The following KHDRBS2 variants were observed in gnomAD, a reference collection of about 807,000 sequenced individuals.
The protein encoded by KHDRBS2 is KH RNA binding domain containing, signal transduction associated 2.
In KHDRBS2, 26 loss-of-function variants were observed where a neutral mutation model predicts 44.3. The observed-to-expected ratio is 0.59, with a 90% CI of 0.43 to 0.81. The LOEUF (loss-of-function observed/expected upper bound fraction) is 0.81. KHDRBS2 is among the 40% of genes least tolerant of loss of function. KHDRBS2 has a pLI of 0.00. For missense variants in KHDRBS2, 476 were observed against 433.1 expected, an observed-to-expected ratio of 1.10 and a Z score of -0.88; for synonymous variants, 194 against 151.1, an observed-to-expected ratio of 1.28 and a Z score of -2.08.
the KHDRBS2 span, among the ~76,000 whole-genome samples, chr6:61,599,474 A>C: frequency 6.6e-6 from 1 of 152,014 alleles, no homozygotes. Context: ...CCCCCAAAAA[A>C]TTTTCTCAAA....
At chr6:62,186,705 T>C (rs553563603) in intron 1 of KHDRBS2, among the ~76,000 whole-genome samples, 1 of 152,142 alleles carries the variant, frequency 6.6e-6, no homozygotes, top group Admixed American at 6.6e-5. Flanking sequence ...TTGGATAGTA[T>C]TGTCATCTAA....
intron 2 of KHDRBS2, among the ~76,000 whole-genome samples, chr6:62,169,115 G>GTGTGTATATATACATATACACACATATA (rs1271961095): frequency 2.3e-5 from 3 of 132,640 alleles, no homozygotes; most frequent in Non-Finnish European, 3.2e-5. Flanking sequence ...ACACATATAT[G>GTGTGTATATATACATATACACACATATA]TGTGTATATA....
intron 6 of KHDRBS2, among the ~76,000 whole-genome samples, chr6:61,871,770 A>T (rs1252374162): frequency 6.6e-6 from 1 of 152,236 alleles, no homozygotes; most frequent in Non-Finnish European, 1.5e-5. Flanking sequence ...TCATAAGCGA[A>T]GGAGAAATAA....
the KHDRBS2 span, among the ~76,000 whole-genome samples, chr6:61,552,180 C>T: frequency 6.6e-6 from 1 of 151,978 alleles, no homozygotes. Flanking sequence ...TGTGTCATCC[C>T]TGATTTCTTT....
chr6:61,915,877 T>C (rs1806901048), intron 4 of KHDRBS2, among the ~76,000 whole-genome samples: 1 of 151,974 alleles, frequency 6.6e-6, no homozygotes, highest in South Asian at 2.1e-4. Context: ...TACTCAGGCA[T>C]TTAGCAAACC....
At chr6:61,906,542 C>T (rs73487384) in intron 4 of KHDRBS2, among the ~76,000 whole-genome samples, 1,572 of 152,102 alleles carry the variant, frequency 0.01, 28 homozygotes, top group African/African-American at 0.036. Context: ...CAACTTCCCC[C>T]CCTCCTTCCC....
At chr6:62,148,018 A>T (rs1199329214) in intron 2 of KHDRBS2, among the ~76,000 whole-genome samples, 1 of 152,088 alleles carries the variant, frequency 6.6e-6, no homozygotes, top group Non-Finnish European at 1.5e-5. Context: ...AGCTGAAAAA[A>T]TAAATATTAT....
chr6:61,936,467 C>T (rs1391174816), intron 4 of KHDRBS2, among the ~76,000 whole-genome samples: 2 of 151,968 alleles, frequency 1.3e-5, no homozygotes, highest in African/African-American at 4.8e-5. Context: ...TCTCCCTCTA[C>T]ATTGCTTTAA....
At chr6:61,815,683 A>C (rs530641300) in intron 6 of KHDRBS2, among the ~76,000 whole-genome samples, 1 of 152,172 alleles carries the variant, frequency 6.6e-6, no homozygotes, top group East Asian at 1.9e-4. Flanking sequence ...TTATTGAGGA[A>C]GAAAATATTT....
intron 4 of KHDRBS2, among the ~76,000 whole-genome samples, chr6:61,950,315 G>A (rs1764485021): frequency 6.6e-6 from 1 of 152,032 alleles, no homozygotes; most frequent in Non-Finnish European, 1.5e-5. Context: ...TGATCGTATA[G>A]TAATCACTAC....
intron 3 of KHDRBS2, among the ~76,000 whole-genome samples, chr6:62,042,588 C>T (rs1786772593): frequency 6.6e-6 from 1 of 152,070 alleles, no homozygotes; most frequent in Non-Finnish European, 1.5e-5. Context: ...ATTTGAGAGA[C>T]TATTATGCTG....
intron 1 of KHDRBS2, among the ~76,000 whole-genome samples, chr6:62,259,045 C>T (rs1342280949): frequency 2.6e-5 from 4 of 151,978 alleles, no homozygotes; most frequent in Non-Finnish European, 5.9e-5. Context: ...CAGTCTTGTG[C>T]TCTAATAGAT....
chr6:61,957,129 C>A (rs1248098120), intron 4 of KHDRBS2, among the ~76,000 whole-genome samples: 1 of 152,144 alleles, frequency 6.6e-6, no homozygotes, highest in Non-Finnish European at 1.5e-5. Flanking sequence ...TTATCACTTC[C>A]CCAATCAATA....
chr6:62,003,711 A>G (rs922888618), intron 3 of KHDRBS2, among the ~76,000 whole-genome samples: 1 of 152,168 alleles, frequency 6.6e-6, no homozygotes, highest in Non-Finnish European at 1.5e-5. Flanking sequence ...AACAGAATAT[A>G]CATTCTTCTC....
chr6:61,758,956 T>A (rs773186193), intron 6 of KHDRBS2, among the ~76,000 whole-genome samples: 5 of 152,000 alleles, frequency 3.3e-5, no homozygotes, highest in Admixed American at 6.6e-5. Context: ...TTATGGTAAA[T>A]GGTGGAAACA....
At chr6:61,556,394 A>T in the KHDRBS2 span, among the ~76,000 whole-genome samples, 1 of 152,214 alleles carries the variant, frequency 6.6e-6, no homozygotes, top group African/African-American at 2.4e-5. Context: ...AATGGGAAAG[A>T]AGTCAAGCTT....
At chr6:61,901,216 A>C (rs1445567715) in intron 5 of KHDRBS2, 28 bp downstream of exon 5, 9 of 1,602,342 alleles carry the variant, frequency 5.6e-6, no homozygotes, top group East Asian at 2.2e-5. Flanking sequence ...CATCATCCTT[A>C]ATTTATTTAA....
At chr6:62,242,454 C>T (rs1295637705) in intron 1 of KHDRBS2, among the ~76,000 whole-genome samples, 1 of 152,070 alleles carries the variant, frequency 6.6e-6, no homozygotes, top group Non-Finnish European at 1.5e-5. Context: ...TCCCTGGCAT[C>T]CACTCACTGG....
intron 6 of KHDRBS2, among the ~76,000 whole-genome samples, chr6:61,869,691 G>A (rs1045003368): frequency 1.4e-4 from 22 of 152,126 alleles, no homozygotes; most frequent in African/African-American, 4.6e-4. Context: ...TAGACAGTGG[G>A]TACAGCTCAT....
Sources: gnomAD v4.1 joint callset for allele counts (sites outside exome capture counted in the v4.1 genomes callset) on GRCh38, gnomAD v4.1.1 for gene constraint, MANE v1.5 for transcripts, NCBI Gene and HGNC (gene_info 2026-07-23, HGNC 2026-07-21) for gene names.